The following TAFAZZIN variants were observed in gnomAD, a reference collection of about 807,000 sequenced individuals.
The protein encoded by TAFAZZIN is protein G4.5.
A neutral mutation model predicts 27.3 loss-of-function variants in TAFAZZIN; 6 were observed. The ratio of observed to expected loss-of-function variants is 0.22; its 90% CI spans 0.12 to 0.43. The LOEUF (loss-of-function observed/expected upper bound fraction) is 0.43, where lower values mean the gene tolerates loss of function less well. Ranked by LOEUF, TAFAZZIN falls within the 20% of genes least tolerant of loss-of-function variation. The pLI is 1.00. For synonymous variants in TAFAZZIN, 79 were observed against 96.2 expected (o/e 0.82, Z 1.04); for missense variants, 127 against 244.5 (o/e 0.52, Z 3.21).
Position 154,413,299 on chromosome X carries a change from G to A in TAFAZZIN, c.284+47G>A, listed in dbSNP as rs1557191654. 3.3e-6 allele frequency: 4 copies of A among 1,209,825 alleles called. No individual in the cohort carries two copies. In the Admixed American group the frequency reaches 8.7e-5, roughly 26 times the overall value. On this transcript the variant is annotated intron_variant, in intron 3 of 10. Transcript: ENST00000601016. ...GAAGTGGGCCGGGCCGGCCCCACCT[G>A]CCTCTGCCCAGATTTGCCCTCCTCC...
rs2068332142 is a variant in TAFAZZIN, at chrX:154,412,221, G to A, written c.238+7G>A. The A allele has an allele frequency of 1.7e-6, 2 of 1,193,665 alleles. No homozygotes were observed. The highest frequency in any genetic ancestry group is 1.1e-6 in the Non-Finnish European group (1 of 885,611). On this transcript the variant is annotated splice_region_variant and intron_variant, in intron 2 of 10. Coordinates refer to ENST00000601016, the MANE Select transcript of TAFAZZIN (RefSeq NM_000116.5). ...GACGACCCTCATCTCTGGGGTACCC[G>A]GGCCAGTGTGCTGGGCAGGGGGAGG... is the stretch of plus-strand genomic sequence containing the variant.
Position 154,411,967 on chromosome X carries a change from G to A in TAFAZZIN, c.109+15G>A, listed in dbSNP as rs781836148. 6 of 1,200,513 alleles carry A rather than the reference G, an allele frequency of 5.0e-6. No individual in the cohort carries two copies. In the Admixed American group the frequency reaches 1.1e-4, roughly 22 times the overall value. On this transcript the variant is annotated intron_variant, in intron 1 of 10. Coordinates refer to ENST00000601016, the MANE Select transcript of TAFAZZIN (RefSeq NM_000116.5). The stretch of plus-strand genomic sequence containing the variant: ...CTTCTGGACCAGTGAGTGGGCCCAG[G>A]CCGAGGCAGGCCCGCCCGGGTACCC...
intron 9 of TAFAZZIN, 88 bp from the exon 10 acceptor site, chrX:154,420,570 G>A (rs1557194310): frequency 7.6e-6 from 8 of 1,047,403 alleles, no homozygotes; most frequent in African/African-American, 5.6e-5. Context: ...CAGCAGGGCC[G>A]GGGCTTAGCT....
At chrX:154,413,348 C>T (rs1295387339) in intron 3 of TAFAZZIN, 96 bp downstream of exon 3, 1 of 1,206,416 alleles carries the variant, frequency 8.3e-7, no homozygotes, top group Non-Finnish European at 1.1e-6. Flanking sequence ...AGGTGGCGTC[C>T]AGCAGTCCAG....
At chrX:154,414,304 T>C in intron 5 of TAFAZZIN, 114 bp downstream of exon 5, 1 of 535,383 alleles carries the variant, frequency 1.9e-6, no homozygotes, top group Admixed American at 3.2e-5. Flanking sequence ...AGTAAGACCC[T>C]GTCTCTTTAA....
At chrX:154,417,821 C>T (rs945197135) in intron 5 of TAFAZZIN, among the ~76,000 whole-genome samples, 1 of 111,997 alleles carries the variant, frequency 8.9e-6, no homozygotes, top group African/African-American at 3.2e-5. Flanking sequence ...TTTATCCCAA[C>T]CTGCTCTGAG....
intron 4 of TAFAZZIN, 111 bp downstream of exon 4, chrX:154,413,678 A>G (rs2068394334): frequency 2.7e-6 from 2 of 743,803 alleles, no homozygotes; most frequent in Admixed American, 2.6e-5. Flanking sequence ...GGGAGCCAAC[A>G]TGAGGCCCAG....
intron 2 of TAFAZZIN, chrX:154,412,477 C>T (rs2068342747): frequency 5.1e-6 from 2 of 392,271 alleles, no homozygotes; most frequent in East Asian, 8.6e-5. Context: ...AACGTCAGGC[C>T]TCCAGAACCC....
chrX:154,420,167 G>T, intron 8 of TAFAZZIN, 45 bp from the exon 9 acceptor site: 1 of 1,210,409 alleles, frequency 8.3e-7, no homozygotes, highest in Non-Finnish European at 1.1e-6. Context: ...GTCCCAGGCT[G>T]CCCTGCTCCA....
intron 7 of TAFAZZIN, 132 bp from the exon 8 acceptor site, chrX:154,419,900 C>T (rs2068579962): frequency 2.8e-6 from 3 of 1,086,739 alleles, no homozygotes; most frequent in South Asian, 3.7e-5. Context: ...CTAGGCCTGC[C>T]TCTCGCAGGG....
intron 6 of TAFAZZIN, 22 bp downstream of exon 6, chrX:154,419,645 G>A (rs782583952): frequency 6.9e-5 from 84 of 1,210,365 alleles, no homozygotes; most frequent in Admixed American, 2.2e-4. Flanking sequence ...TGACTGGGTC[G>A]AGCCCCCCCA....
In TAFAZZIN at chrX:154,411,548, CG is replaced by C. The variant is rs1488692850; in HGVS notation, c.-294del. ...GCACCGGCGCAGGTTCGCTTTCCGG[CG>C]GTTGCACCGGGCCGGGGTGCCAGCG... On this transcript the variant is annotated 5_prime_UTR_variant, in exon 1 of 11. Transcript: ENST00000601016. The C allele has an allele frequency of 2.8e-6, 1 of 360,531 alleles. No homozygotes were observed. Among genetic ancestry groups the C allele is most frequent in the East Asian group, 7.9e-5 (1 of 12,623 alleles). 29.7% of individuals were successfully genotyped at this position (360,531 alleles called of 1,213,427 possible). A position where few individuals can be genotyped will look rare whatever the true frequency, so the allele number is the denominator to read the frequency against.
chrX:154,413,131 C>G (rs1023026363), intron 2 of TAFAZZIN, 76 bp from the exon 3 acceptor site: 1 of 1,186,771 alleles, frequency 8.4e-7, no homozygotes, highest in Middle Eastern at 2.3e-4. Flanking sequence ...GTCCCTCATT[C>G]CCTGAGATGG....
At chrX:154,414,699 A>G (rs1298142967) in intron 5 of TAFAZZIN, among the ~76,000 whole-genome samples, 1 of 97,995 alleles carries the variant, frequency 1.0e-5, no homozygotes, top group Admixed American at 1.1e-4. Flanking sequence ...CTCAAAAAAA[A>G]AAAAAAAAGT....
intron 5 of TAFAZZIN, 138 bp downstream of exon 5, chrX:154,414,328 T>A: frequency 2.0e-6 from 1 of 489,680 alleles, no homozygotes; most frequent in Non-Finnish European, 3.6e-6. Context: ...TAAAAATATT[T>A]TAAACAAAAG....
In TAFAZZIN at chrX:154,419,578, T is replaced by C. The variant is rs1557193823; in HGVS notation, c.496T>C (p.Leu166=). 2.5e-6 allele frequency: 3 copies of C among 1,211,081 alleles called. No homozygotes were observed. Among genetic ancestry groups the C allele is most frequent in the Non-Finnish European group, 3.4e-6 (3 of 895,367 alleles). Residue 166 remains leucine, a synonymous_variant, in exon 6 of 11, where the codon TTG becomes CTG. Transcript: ENST00000601016. ...GVYQKGMDFI[L]EKLNHGDWVH... ...CTACCAGAAGGGGATGGACTTCATT[T>C]TGGAGAAGCTCAACCATGGGGACTG...
intron 5 of TAFAZZIN, among the ~76,000 whole-genome samples, chrX:154,418,268 A>G (rs1311698257): frequency 1.8e-5 from 2 of 111,814 alleles, no homozygotes; most frequent in East Asian, 5.6e-4. Context: ...CTGCTGGGTC[A>G]GGGCACTGTT....
In TAFAZZIN at chrX:154,420,039, G is replaced by A. The variant is rs150583937; in HGVS notation, c.591G>A (p.Gly197=). 2 of 1,211,912 alleles carry A rather than the reference G, an allele frequency of 1.7e-6. No individual in the cohort carries two copies. The highest frequency in any genetic ancestry group is 1.8e-5 in the South Asian group (1 of 56,988). The part of the protein sequence containing the change: ...SEFLRFKWGI[G]RLIAECHLNP... ...TACCTCCCCCCTGGGCAGGAATCGGGCGCCTGATTGCTGAGTGTCATCTCA... is the reference window on the plus strand; with the variant it reads ...TACCTCCCCCCTGGGCAGGAATCGGACGCCTGATTGCTGAGTGTCATCTCA... Residue 197 remains glycine, a synonymous_variant, in exon 8 of 11, where the codon GGG becomes GGA. Transcript: ENST00000601016.
At chrX:154,413,427 A>G in intron 3 of TAFAZZIN, 55 bp from the exon 4 acceptor site, 3 of 1,208,989 alleles carry the variant, frequency 2.5e-6, no homozygotes, top group Non-Finnish European at 3.4e-6. Flanking sequence ...TGCTGGGGGC[A>G]GGGTGGTGGA....
Sources: gnomAD v4.1 joint callset for allele counts (sites outside exome capture counted in the v4.1 genomes callset) on GRCh38, gnomAD v4.1.1 for gene constraint, MANE v1.5 for transcripts, NCBI Gene and HGNC (gene_info 2026-07-23, HGNC 2026-07-21) for gene names.